Variants in SLC35F3 observed in about 807,000 individuals in gnomAD.
SLC35F3 encodes the protein putative thiamine transporter SLC35F3.
In SLC35F3, 25 loss-of-function variants were observed where a neutral mutation model predicts 49.9. The ratio of observed to expected loss-of-function variants is 0.50; its 90% CI spans 0.37 to 0.70. The LOEUF (loss-of-function observed/expected upper bound fraction) is 0.70. Ranked by LOEUF, SLC35F3 falls within the 30% of genes least tolerant of loss-of-function variation. The pLI, the probability that SLC35F3 is intolerant of heterozygous loss-of-function variation, is 0.00. For missense variants in SLC35F3, 525 were observed against 639.8 expected (o/e 0.82, Z 1.94); for synonymous variants, 275 against 265.4 (o/e 1.04, Z -0.35).
At chr1:234,058,553 A>G (rs1417816097) in intron 2 of SLC35F3, among the ~76,000 whole-genome samples, 1 of 151,920 alleles carries the variant, frequency 6.6e-6, no homozygotes, top group Admixed American at 6.6e-5. Flanking sequence ...TCTGTTTCCC[A>G]AGCTGGTCTC....
chr1:234,245,564 T>G (rs146440619), intron 3 of SLC35F3, among the ~76,000 whole-genome samples: 16 of 152,350 alleles, frequency 1.1e-4, no homozygotes, highest in African/African-American at 3.1e-4. Context: ...CAAACTAATC[T>G]GAACCTTAAT....
intron 2 of SLC35F3, among the ~76,000 whole-genome samples, chr1:234,031,386 G>T (rs1664059702): frequency 6.6e-6 from 1 of 152,162 alleles, no homozygotes; most frequent in Non-Finnish European, 1.5e-5. Flanking sequence ...TCAATTCCAG[G>T]CTGCGTATCA....
chr1:234,077,662 C>T (rs78554113), intron 2 of SLC35F3, among the ~76,000 whole-genome samples: 6,574 of 152,260 alleles, frequency 0.043, 206 homozygotes, highest in Non-Finnish European at 0.061. Context: ...TTGGCTACCA[C>T]GGATCAGGCA....
intron 2 of SLC35F3, among the ~76,000 whole-genome samples, chr1:234,109,550 C>T (rs1665374034): frequency 6.6e-6 from 1 of 152,190 alleles, no homozygotes; most frequent in Admixed American, 6.5e-5. Flanking sequence ...TTCCTTCTTA[C>T]ACATTGACTC....
At chr1:233,980,837 T>C (rs547618619) in intron 2 of SLC35F3, among the ~76,000 whole-genome samples, 185 of 152,330 alleles carry the variant, frequency 1.2e-3, no homozygotes, top group African/African-American at 4.3e-3. Flanking sequence ...ATAGGCAACA[T>C]TCATTGGGCA....
rs537827924 is a variant in SLC35F3 at position 233,971,684 on chromosome 1, C to T, written c.283+65926C>T. Among the ~76,000 whole-genome samples the T allele has an allele frequency of 8.1e-5, 12 of 148,762 alleles. No individual in the cohort carries two copies. In the South Asian group the frequency reaches 2.5e-3, roughly 32 times the overall value. Reference sequence around the variant, plus strand: ...AGTGAGCCGAGATCACGCCACTGCACTCCAGCCTGGGTGACAGAGCGAGAC... The same window carrying T: ...AGTGAGCCGAGATCACGCCACTGCATTCCAGCCTGGGTGACAGAGCGAGAC... On this transcript the variant is annotated intron_variant, in intron 2 of 7. Coordinates refer to ENST00000366618, the MANE Select transcript of SLC35F3 (RefSeq NM_173508.4).
chr1:234,050,830 G>A (rs973461111), intron 2 of SLC35F3, among the ~76,000 whole-genome samples: 1 of 152,180 alleles, frequency 6.6e-6, no homozygotes, highest in Non-Finnish European at 1.5e-5. Flanking sequence ...TGTAAGGAAG[G>A]AATCCAGTTT....
At chr1:233,984,026 G>A (rs899466219) in intron 2 of SLC35F3, among the ~76,000 whole-genome samples, 4 of 152,238 alleles carry the variant, frequency 2.6e-5, no homozygotes, top group East Asian at 1.9e-4. Context: ...CACATCCTGC[G>A]TTTTCCCTCC....
intron 3 of SLC35F3, among the ~76,000 whole-genome samples, chr1:234,260,886 C>G (rs1336224297): frequency 6.6e-6 from 1 of 152,126 alleles, no homozygotes; most frequent in East Asian, 1.9e-4. Context: ...TCGCCTCCCT[C>G]GATTGTAACC....
At chr1:233,990,479 G>A (rs182003125) in intron 2 of SLC35F3, among the ~76,000 whole-genome samples, 9 of 152,256 alleles carry the variant, frequency 5.9e-5, no homozygotes, top group African/African-American at 1.9e-4. Flanking sequence ...AAAATGGGAC[G>A]AAGTTAGTCA....
chr1:234,276,672 T>C (rs1668216687), intron 3 of SLC35F3, among the ~76,000 whole-genome samples: 1 of 152,088 alleles, frequency 6.6e-6, no homozygotes, highest in Admixed American at 6.5e-5. Flanking sequence ...AGAACACACC[T>C]CTCTATTGCG....
intron 3 of SLC35F3, among the ~76,000 whole-genome samples, chr1:234,265,151 C>G (rs1667961462): frequency 6.6e-6 from 1 of 152,104 alleles, no homozygotes; most frequent in Non-Finnish European, 1.5e-5. Context: ...AGACCTATAA[C>G]CAACAGCCTG....
chr1:234,166,926 C>T (rs1666330910), intron 2 of SLC35F3, among the ~76,000 whole-genome samples: 1 of 152,194 alleles, frequency 6.6e-6, no homozygotes, highest in Non-Finnish European at 1.5e-5. Flanking sequence ...CTTCCATTGT[C>T]ATTCCACGCC....
intron 4 of SLC35F3, among the ~76,000 whole-genome samples, chr1:234,309,832 G>C (rs2102994238): frequency 6.6e-6 from 1 of 152,344 alleles, no homozygotes; most frequent in South Asian, 2.1e-4. Flanking sequence ...GAGTTGGCCA[G>C]ACACACTCAT....
intron 2 of SLC35F3, among the ~76,000 whole-genome samples, chr1:234,049,126 A>T (rs1664336360): frequency 6.6e-6 from 1 of 152,126 alleles, no homozygotes; most frequent in Admixed American, 6.5e-5. Flanking sequence ...AAGACTTTGG[A>T]GGTTGTTGGG....
chr1:234,190,329 C>T (rs1666712335), intron 2 of SLC35F3, among the ~76,000 whole-genome samples: 1 of 152,110 alleles, frequency 6.6e-6, no homozygotes, highest in South Asian at 2.1e-4. Context: ...AGAGACTCAC[C>T]TAACACATAA....
intron 2 of SLC35F3, among the ~76,000 whole-genome samples, chr1:234,205,391 G>A (rs1329234253): frequency 2.0e-5 from 3 of 152,220 alleles, no homozygotes; most frequent in African/African-American, 7.2e-5. Context: ...AACCCGAGAG[G>A]CAGAGGTCGC....
At chr1:234,033,005 C>T (rs1664085928) in intron 2 of SLC35F3, among the ~76,000 whole-genome samples, 1 of 152,054 alleles carries the variant, frequency 6.6e-6, no homozygotes, top group Non-Finnish European at 1.5e-5. Flanking sequence ...GTTCCCTTTT[C>T]ACCACATTCA....
rs1553309511 is a variant in SLC35F3, at chr1:234,146,505, T to TC, written c.284-84911dup. Among the ~76,000 whole-genome samples, 192 of 137,964 alleles carry TC rather than the reference T, an allele frequency of 1.4e-3. 1 individual carries two copies. Among genetic ancestry groups the TC allele is most frequent in the African/African-American group, 4.5e-3 (151 of 33,754 alleles). 90.5% of individuals were successfully genotyped at this position (137,964 alleles called of 152,430 possible). A position where few individuals can be genotyped will look rare whatever the true frequency, so the allele number is the denominator to read the frequency against. ...TCTTTTTTTTTTTTTTTTTTTTTTT[T>TC]CTGGAGACGGAGTTTCGCTCTTGTT... On this transcript the variant is annotated intron_variant, in intron 2 of 7. Coordinates refer to ENST00000366618, the MANE Select transcript of SLC35F3 (RefSeq NM_173508.4).
Sources: allele counts gnomAD v4.1 joint callset (sites outside exome capture counted in the v4.1 genomes callset), GRCh38; gene constraint gnomAD v4.1.1; transcripts MANE v1.5; gene names NCBI Gene and HGNC (gene_info 2026-07-23, HGNC 2026-07-21).